Variants in ACTR1B observed in about 807,000 individuals in gnomAD.
The protein encoded by ACTR1B is actin related protein 1B, also known as beta-centractin.
Under a neutral mutation model 49.4 loss-of-function variants are expected in ACTR1B, and 34 were observed. That is an observed-to-expected ratio of 0.69 (90% CI 0.52 to 0.92). The LOEUF (loss-of-function observed/expected upper bound fraction) is 0.92. Ranked by LOEUF, ACTR1B falls within the 40% of genes least tolerant of loss-of-function variation. The probability of loss-of-function intolerance (pLI) is 0.00; values close to 1 mark genes in which losing one functional copy is unlikely to be tolerated. For missense variants in ACTR1B, 471 were observed against 522.4 expected, an observed-to-expected ratio of 0.90 and a Z score of 0.96; for synonymous variants, 207 against 207.8, an observed-to-expected ratio of 1.00 and a Z score of 0.03.
At position 97,659,954 on chromosome 2, in the gene ACTR1B, C is replaced by A. The variant is rs2104503382; in HGVS notation, c.190-477G>T. On this transcript the variant is annotated intron_variant, in intron 3 of 10. Transcript: ENST00000289228. The surrounding 1 kb of genome is among the most constrained non-coding windows in gnomAD (Gnocchi z 4.0). ...GCACTGACATGCTGCCTCCACCTGC[C>A]CTTCGATGTCCCCCCAGCCATGCCC... 4.9e-6 allele frequency: 1 copy of A among 203,164 alleles called. No homozygotes were observed. The allele number at this position is 203,164 out of a possible 1,614,324, so 12.6% of individuals were successfully genotyped here. A position where few individuals can be genotyped will look rare whatever the true frequency, so the allele number is the denominator to read the frequency against.
chr2:97,659,375 G>A lies in ACTR1B; in HGVS notation c.292C>T (p.Gln98Ter), dbSNP rs1674950250. The A allele has an allele frequency of 6.2e-7, 1 of 1,613,946 alleles. No homozygotes were observed. The highest frequency in any genetic ancestry group is 1.7e-5 in the Admixed American group (1 of 59,990). ...ACCTCCTCCGAGAAGGTCTGCAGCT[G>A]ATCCTTGGAGTAGACGTACTGCCAG... is the stretch of plus-strand genomic sequence containing the variant. ...RIWQYVYSKDQLQTFSEEHPV... is the reference protein window; with the variant it reads ...RIWQYVYSKD Residue 98 changes from glutamine (Q) to a stop codon, truncating the protein, a stop_gained, in exon 4 of 11, where the codon CAG becomes TAG. Transcript: ENST00000289228. LOFTEE classifies it high-confidence loss of function. The surrounding 1 kb of genome is among the most constrained non-coding windows in gnomAD (Gnocchi z 4.0).
intron 2 of ACTR1B, 124 bp from the exon 3 acceptor site, chr2:97,660,770 G>A: frequency 2.2e-6 from 2 of 923,668 alleles, no homozygotes; most frequent in Non-Finnish European, 3.5e-6. Flanking sequence ...GGATGTGGCT[G>A]GGGGGCACAG....
chr2:97,658,370 T>C lies in ACTR1B; in HGVS notation c.658-54A>G. On this transcript the variant is annotated intron_variant, in intron 6 of 10. Transcript: ENST00000289228. The surrounding 1 kb of genome is among the most constrained non-coding windows in gnomAD (Gnocchi z 5.9). ...AGGCTGCACCTGGGACACCTGTGCC[T>C]TGGTGCCACCCTTTCCTCACCCCAG... is the stretch of plus-strand genomic sequence containing the variant. The C allele has an allele frequency of 6.2e-7, 1 of 1,612,870 alleles. No homozygotes were observed. The highest frequency in any genetic ancestry group is 8.5e-7 in the Non-Finnish European group (1 of 1,178,940).
chr2:97,658,334 C>T lies in ACTR1B; in HGVS notation c.658-18G>A, dbSNP rs893108204. On this transcript the variant is annotated intron_variant, in intron 6 of 10. Coordinates refer to ENST00000289228, the MANE Select transcript of ACTR1B (RefSeq NM_005735.4). The surrounding 1 kb of genome is among the most constrained non-coding windows in gnomAD (Gnocchi z 5.9). ...CACGCTCGCTGCGGGGACAGGGACA[C>T]AGCCCTCAGAAGGCTGCACCTGGGA... is the stretch of plus-strand genomic sequence containing the variant. 1 of 1,614,144 alleles carries T rather than the reference C, an allele frequency of 6.2e-7. No homozygotes were observed. Among genetic ancestry groups the T allele is most frequent in the Non-Finnish European group, 8.5e-7 (1 of 1,180,000 alleles).
Position 97,658,457 on chromosome 2 carries a change from A to G in ACTR1B, c.627T>C (p.Ala209=), listed in dbSNP as rs1441820783. ...RKEGVDFHTS[A]EFEVVRTIKE... is the part of the protein sequence containing the mutation. Reference sequence around the variant, plus strand: ...TGATTGTCCGGACAACCTCAAACTCAGCCGAGGTATGGAAGTCAACCCCTT... The same window carrying G: ...TGATTGTCCGGACAACCTCAAACTCGGCCGAGGTATGGAAGTCAACCCCTT... The change falls in exon 6 of 11, where the codon GCT becomes GCC. Residue 209 remains alanine (A), a synonymous_variant. Transcript: ENST00000289228. The surrounding 1 kb of genome is among the most constrained non-coding windows in gnomAD (Gnocchi z 5.9). 3 of 1,614,068 alleles carry G rather than the reference A, an allele frequency of 1.9e-6. No homozygotes were observed. In the South Asian group the frequency reaches 3.3e-5, roughly 18 times the overall value.
At position 97,657,621 on chromosome 2, in the gene ACTR1B, C is replaced by T. The variant is rs1293040398; in HGVS notation, c.926-112G>A. Reference sequence around the variant, plus strand: ...TACTGCTGGTCCTCTATCAGCAGCTCTTCCCAGGATGAAGGGCAAGGCTGA... The same window carrying T: ...TACTGCTGGTCCTCTATCAGCAGCTTTTCCCAGGATGAAGGGCAAGGCTGA... On this transcript the variant is annotated intron_variant, in intron 8 of 10. Transcript: ENST00000289228. The T allele has an allele frequency of 3.5e-6, 4 of 1,149,052 alleles. No homozygotes were observed. In the African/African-American group the frequency reaches 6.1e-5, roughly 17 times the overall value. 71.2% of individuals were successfully genotyped at this position (1,149,052 alleles called of 1,614,324 possible).
Position 97,657,519 on chromosome 2 carries a change from C to A in ACTR1B, c.926-10G>T. 6.2e-7 allele frequency: 1 copy of A among 1,614,192 alleles called. No individual in the cohort carries two copies. Among genetic ancestry groups the A allele is most frequent in the African/African-American group, 1.3e-5 (1 of 75,064 alleles). The stretch of plus-strand genomic sequence containing the variant: ...AATCGGTCTCCGAAGCCTGTGAACA[C>A]AAAGCTGGCTGAGCCTGGGGTCTGC... On this transcript the variant is annotated splice_polypyrimidine_tract_variant and intron_variant, in intron 8 of 10. Coordinates refer to ENST00000289228, the MANE Select transcript of ACTR1B (RefSeq NM_005735.4).
chr2:97,663,414 T>C (rs892838847), intron 1 of ACTR1B, among the ~76,000 whole-genome samples: 9 of 152,064 alleles, frequency 5.9e-5, no homozygotes, highest in African/African-American at 2.2e-4. Flanking sequence ...GCCCCAAAGA[T>C]AAAGCCAGCA....
rs778736014 is a variant in ACTR1B, at chr2:97,661,936, A to G, written c.59T>C (p.Val20Ala). Residue 20 changes from valine (V) to alanine (A), a missense_variant, in exon 2 of 11, where the codon GTG (valine) becomes GCG (alanine). Physicochemically the swap from Val to Ala is moderately conservative, Grantham distance 64 (BLOSUM62 0). Transcript: ENST00000289228. ...QPVVIDNGSGVIKAGFAGDQI... is the reference protein window; with the variant it reads ...QPVVIDNGSGAIKAGFAGDQI... ...GTCTCCTGCAAAGCCAGCTTTAATC[A>G]CCCCCGAACCCTGCAAGGAAAAACA... is the stretch of plus-strand genomic sequence containing the variant. The G allele has an allele frequency of 6.9e-6, 11 of 1,591,268 alleles. No homozygotes were observed. The highest frequency in any genetic ancestry group is 1.3e-5 in the African/African-American group (1 of 74,662).
Position 97,663,828 on chromosome 2 carries a change from G to A in ACTR1B, c.48+15C>T, listed in dbSNP as rs780368098. ...GGGCGGGGCGCCCGCCCTCCCCCTG[G>A]CTGCCGGGCCTCACGTTGTCGATGA... On this transcript the variant is annotated intron_variant, in intron 1 of 10. Coordinates refer to ENST00000289228, the MANE Select transcript of ACTR1B (RefSeq NM_005735.4). 4 of 1,394,152 alleles carry A rather than the reference G, an allele frequency of 2.9e-6. No individual in the cohort carries two copies. Among genetic ancestry groups the A allele is most frequent in the Middle Eastern group, 2.4e-4 (1 of 4,166 alleles). 86.4% of individuals were successfully genotyped at this position (1,394,152 alleles called of 1,614,324 possible).
chr2:97,663,938 CGGAT>C lies in ACTR1B; in HGVS notation c.-52_-49del. On this transcript the variant is annotated 5_prime_UTR_variant, in exon 1 of 11. Transcript: ENST00000289228. ...CCAGCAGGCGGGCTGCAGGAGGCAC[CGGAT>C]GGGCGGGCGGGCGGGAGGACCGGGA... 4.4e-6 allele frequency: 1 copy of C among 227,000 alleles called. No homozygotes were observed. The highest frequency in any genetic ancestry group is 8.9e-6 in the Non-Finnish European group (1 of 112,876). The allele number at this position is 227,000 out of a possible 1,614,324, so 14.1% of individuals were successfully genotyped here.
Position 97,663,924 on chromosome 2 carries a change from GC to G in ACTR1B, c.-35del. 8.0e-7 allele frequency: 1 copy of G among 1,247,142 alleles called. No homozygotes were observed. Among genetic ancestry groups the G allele is most frequent in the South Asian group, 2.4e-5 (1 of 41,542 alleles). 77.3% of individuals were successfully genotyped at this position (1,247,142 alleles called of 1,614,324 possible). On this transcript the variant is annotated 5_prime_UTR_variant, in exon 1 of 11. Transcript: ENST00000289228. The stretch of plus-strand genomic sequence containing the variant: ...CGCGCCGGCCCTGCCCAGCAGGCGG[GC>G]TGCAGGAGGCACCGGATGGGCGGGC...
rs368596295 is a variant in ACTR1B at position 97,658,362 on chromosome 2, C to A, written c.658-46G>T. ...CCCTCAGAAGGCTGCACCTGGGACA[C>A]CTGTGCCTTGGTGCCACCCTTTCCT... On this transcript the variant is annotated intron_variant, in intron 6 of 10. Transcript: ENST00000289228. The surrounding 1 kb of genome is among the most constrained non-coding windows in gnomAD (Gnocchi z 5.9). 2 of 1,613,264 alleles carry A rather than the reference C, an allele frequency of 1.2e-6. No individual in the cohort carries two copies. Among genetic ancestry groups the A allele is most frequent in the African/African-American group, 2.7e-5 (2 of 74,918 alleles).
chr2:97,660,363 T>A (rs1241202269), intron 3 of ACTR1B, among the ~76,000 whole-genome samples: 1 of 152,224 alleles, frequency 6.6e-6, no homozygotes, highest in Non-Finnish European at 1.5e-5. Flanking sequence ...AAATAGCTTC[T>A]AAAAGACAGG....
intron 2 of ACTR1B, 46 bp from the exon 3 acceptor site, chr2:97,660,692 G>A: frequency 1.3e-6 from 2 of 1,585,586 alleles, no homozygotes; most frequent in Non-Finnish European, 1.7e-6. Flanking sequence ...GAGCATGGCA[G>A]AGCTTGTGTC....
chr2:97,660,110 C>G (rs7562510), intron 3 of ACTR1B, among the ~76,000 whole-genome samples: 1 of 152,168 alleles, frequency 6.6e-6, no homozygotes, highest in Non-Finnish European at 1.5e-5. Context: ...ATGCCCCACG[C>G]CCCGGCACCC....
In ACTR1B at chr2:97,659,358, C is replaced by T. The variant is rs748435475; in HGVS notation, c.309G>A (p.Ser103=). 94 of 1,614,010 alleles carry T rather than the reference C, an allele frequency of 5.8e-5. No homozygotes were observed. The highest frequency in any genetic ancestry group is 1.7e-4 in the Middle Eastern group (1 of 6,060). ...VYSKDQLQTF[S]EEHPVLLTEA... is the part of the protein sequence containing the mutation. ...GGAGGGGCAGCCGCCACACCTCCTC[C>T]GAGAAGGTCTGCAGCTGATCCTTGG... The change falls in exon 4 of 11, where the codon TCG becomes TCA. Residue 103 remains serine, a synonymous_variant. Transcript: ENST00000289228. This position sits in a 1 kb window ranked among gnomAD's most constrained non-coding sequence, Gnocchi z 4.0.
chr2:97,657,825 T>A, intron 8 of ACTR1B, 118 bp downstream of exon 8: 1 of 1,272,878 alleles, frequency 7.9e-7, no homozygotes, highest in Non-Finnish European at 1.1e-6. Flanking sequence ...TTAAAAAAAA[T>A]GTTCATTGAG....
chr2:97,659,132 C>A lies in ACTR1B; in HGVS notation c.316-129G>T. On this transcript the variant is annotated intron_variant, in intron 4 of 10. Coordinates refer to ENST00000289228, the MANE Select transcript of ACTR1B (RefSeq NM_005735.4). The surrounding 1 kb of genome is among the most constrained non-coding windows in gnomAD (Gnocchi z 4.0). ...CTCCTACCCCTCCTGAGGGCCCCAT[C>A]CCTTTATCTGCTGGCAGTTACTCTT... The A allele has an allele frequency of 6.7e-7, 1 of 1,483,842 alleles. No homozygotes were observed. Among genetic ancestry groups the A allele is most frequent in the Non-Finnish European group, 9.2e-7 (1 of 1,086,338 alleles). 91.9% of individuals were successfully genotyped at this position (1,483,842 alleles called of 1,614,324 possible).
Sources: allele counts gnomAD v4.1 joint callset (sites outside exome capture counted in the v4.1 genomes callset), GRCh38; gene constraint gnomAD v4.1.1; non-coding constraint Gnocchi (gnomAD v3.1); transcripts MANE v1.5; gene names NCBI Gene and HGNC (gene_info 2026-07-23, HGNC 2026-07-21).